JMY: variants seen among roughly 807,000 people sequenced by gnomAD.
JMY encodes the protein junction-mediating and -regulatory protein.
A neutral mutation model predicts 103.3 loss-of-function variants in JMY; 46 were observed. The ratio of observed to expected loss-of-function variants is 0.45; its 90% confidence interval spans 0.35 to 0.57. The LOEUF (loss-of-function observed/expected upper bound fraction) is 0.57, where lower values mean the gene tolerates loss of function less well. Among genes scored for constraint, JMY ranks in the 20% least tolerant of loss-of-function variants. The pLI, the probability that JMY is intolerant of heterozygous loss-of-function variation, is 0.00. For missense variants in JMY, 1,238 were observed against 1,255.2 expected (o/e 0.99, Z 0.21); for synonymous variants, 526 against 489.3 (o/e 1.07, Z -0.99).
chr5:79,237,895 C>A (rs1744575693), intron 1 of JMY, among the ~76,000 whole-genome samples: 1 of 152,132 alleles, frequency 6.6e-6, no homozygotes, highest in East Asian at 1.9e-4. Context: ...TTTATTTCCT[C>A]CCCCATTTAT....
rs117101986 is a variant in JMY at position 79,303,906 on chromosome 5, C to T, written c.1882-2469C>T. Reference sequence around the variant, plus strand: ...AGCAGAGGTTTAAAGCAGTGACTGACGGAATAGCAAAGGAAACTGTACAGG... The same window carrying T: ...AGCAGAGGTTTAAAGCAGTGACTGATGGAATAGCAAAGGAAACTGTACAGG... On this transcript the variant is annotated intron_variant, in intron 6 of 10. Transcript: ENST00000396137. Among the ~76,000 whole-genome samples the T allele has an allele frequency of 6.3e-4, 96 of 151,748 alleles. No individual in the cohort carries two copies. In the East Asian group the frequency reaches 0.015, roughly 23 times the overall value.
intron 7 of JMY, among the ~76,000 whole-genome samples, chr5:79,308,850 C>CT (rs140789478): frequency 0.011 from 1,683 of 152,108 alleles, 34 homozygotes; most frequent in African/African-American, 0.038. Context: ...TTCTTTGATT[C>CT]TTTCATCAGA....
At chr5:79,293,403 CTTTTT>C (rs5868984) in intron 4 of JMY, among the ~76,000 whole-genome samples, 1 of 146,776 alleles carries the variant, frequency 6.8e-6, no homozygotes, top group Non-Finnish European at 1.5e-5. Flanking sequence ...CTTTTTTTAA[CTTTTT>C]TTTTTTTTTA....
In JMY at chr5:79,284,710, C is replaced by G. The variant is rs532545580; in HGVS notation, c.1207-5411C>G. 18 of 1,592,168 alleles carry G rather than the reference C, an allele frequency of 1.1e-5. No homozygotes were observed. In the East Asian group the frequency reaches 3.8e-4, roughly 34 times the overall value. ...TTCATCATTCTGCAAATCAGCAAGA[C>G]TCACTTCAAACACACGACCCTTGAG... On this transcript the variant is annotated intron_variant, in intron 2 of 10. Coordinates refer to ENST00000396137, the MANE Select transcript of JMY (RefSeq NM_152405.5).
chr5:79,299,262 T>A (rs1580363506), intron 4 of JMY, among the ~76,000 whole-genome samples: 1 of 152,334 alleles, frequency 6.6e-6, no homozygotes, highest in Middle Eastern at 3.4e-3. Context: ...CTTGGAAGAA[T>A]GCTTACTGTC....
rs1257551934 is a variant in JMY at position 79,326,302 on chromosome 5, T to C, written c.*4700T>C. 6.6e-6 allele frequency: 1 copy of C among 151,180 alleles called. No individual in the cohort carries two copies. The highest frequency in any genetic ancestry group is 2.4e-5 in the African/African-American group (1 of 40,962). The allele number at this position is 151,180 out of a possible 1,614,324, so 9.4% of individuals were successfully genotyped here. A position where few individuals can be genotyped will look rare whatever the true frequency, so the allele number is the denominator to read the frequency against. ...TGTAGATGAAAACACAAGGTATGGA[T>C]GTTGGTTACAGAGTTCAGTTTTAAC... On this transcript the variant is annotated 3_prime_UTR_variant, in exon 11 of 11. Coordinates refer to ENST00000396137, the MANE Select transcript of JMY (RefSeq NM_152405.5).
intron 1 of JMY, among the ~76,000 whole-genome samples, chr5:79,270,645 A>ACATAAATGTT (rs1745751833): frequency 6.2e-5 from 9 of 144,368 alleles, no homozygotes; most frequent in African/African-American, 1.8e-4. Context: ...ATAAATATTT[A>ACATAAATGTT]TATAAAATAT....
intron 1 of JMY, among the ~76,000 whole-genome samples, chr5:79,258,301 TTTTG>T (rs1411029902): frequency 2.1e-5 from 3 of 141,458 alleles, no homozygotes; most frequent in African/African-American, 7.9e-5. Flanking sequence ...TTAGGGCTTT[TTTTG>T]TTTTTGTTGT....
intron 1 of JMY, among the ~76,000 whole-genome samples, chr5:79,261,781 T>C (rs1256782146): frequency 1.3e-5 from 2 of 152,162 alleles, no homozygotes; most frequent in African/African-American, 4.8e-5. Context: ...TGCACTACCA[T>C]GCCCGGCTAA....
chr5:79,254,256 C>T (rs1342190980), intron 1 of JMY, among the ~76,000 whole-genome samples: 1 of 152,108 alleles, frequency 6.6e-6, no homozygotes, highest in East Asian at 1.9e-4. Context: ...CACGCCCCAG[C>T]TTGGTAGATG....
chr5:79,249,123 T>C (rs1264882255), intron 1 of JMY, among the ~76,000 whole-genome samples: 1 of 150,714 alleles, frequency 6.6e-6, no homozygotes. Context: ...ATGAAAAGTT[T>C]ATGAAAAGTA....
In JMY at chr5:79,290,276, G is replaced by T; in HGVS notation, c.1357+5G>T. On this transcript the variant is annotated splice_donor_5th_base_variant and intron_variant, in intron 3 of 10. Transcript: ENST00000396137. Reference sequence around the variant, plus strand: ...TAACAGCTAAAGCTCAAAAAGGTAGGTTTCTCAGTAAATTTATCCTTTAGG... The same window carrying T: ...TAACAGCTAAAGCTCAAAAAGGTAGTTTTCTCAGTAAATTTATCCTTTAGG... 1 of 1,460,692 alleles carries T rather than the reference G, an allele frequency of 6.8e-7. No homozygotes were observed. Among genetic ancestry groups the T allele is most frequent in the Non-Finnish European group, 9.1e-7 (1 of 1,097,894 alleles). The allele number at this position is 1,460,692 out of a possible 1,614,324, so 90.5% of individuals were successfully genotyped here.
At chr5:79,273,913 C>G (rs1009141250) in intron 1 of JMY, among the ~76,000 whole-genome samples, 2 of 152,102 alleles carry the variant, frequency 1.3e-5, no homozygotes, top group African/African-American at 4.8e-5. Flanking sequence ...TCACTGCAAG[C>G]TCCGCCTCCC....
intron 1 of JMY, among the ~76,000 whole-genome samples, chr5:79,247,827 AT>A (rs1253841129): frequency 6.7e-6 from 1 of 149,562 alleles, no homozygotes; most frequent in African/African-American, 2.5e-5. Context: ...TAACTTTTGT[AT>A]TTTTGTATTT....
rs775140728 is a variant in JMY at position 79,237,695 on chromosome 5, G to A, written c.1032+13G>A. On this transcript the variant is annotated intron_variant, in intron 1 of 10. Transcript: ENST00000396137. ...GCGCATCCAGGAGGTGAGTGAGTGA[G>A]CTCCTAGTCTGGGCTCTACTGGTCG... 1.2e-6 allele frequency: 2 copies of A among 1,603,960 alleles called. No homozygotes were observed. Among genetic ancestry groups the A allele is most frequent in the East Asian group, 4.5e-5 (2 of 44,752 alleles).
chr5:79,280,324 A>G (rs1746070279), intron 2 of JMY, among the ~76,000 whole-genome samples: 1 of 152,158 alleles, frequency 6.6e-6, no homozygotes, highest in Admixed American at 6.6e-5. Context: ...CTTTTACATA[A>G]TTATATCATG....
Position 79,314,342 on chromosome 5 carries a change from A to G in JMY, c.2150A>G (p.Gln717Arg), listed in dbSNP as rs1747138733. 1.9e-6 allele frequency: 3 copies of G among 1,614,098 alleles called. No homozygotes were observed. In the African/African-American group the frequency reaches 4.0e-5, roughly 22 times the overall value. ...RRKGAASPVL[Q>R]EDHCDSLPSV... Reference sequence around the variant, plus strand: ...AAAGGTGCAGCAAGTCCTGTTCTCCAAGAGGATCATTGTGACTCTTTACCA... The same window carrying G: ...AAAGGTGCAGCAAGTCCTGTTCTCCGAGAGGATCATTGTGACTCTTTACCA... The change falls in exon 9 of 11, where the codon CAA becomes CGA. Residue 717 changes from glutamine (Q) to arginine (R), a missense_variant. By Grantham distance (43) the Gln-to-Arg change is conservative. Transcript: ENST00000396137.
chr5:79,260,691 C>T (rs529255250), intron 1 of JMY, among the ~76,000 whole-genome samples: 20 of 151,772 alleles, frequency 1.3e-4, no homozygotes, highest in African/African-American at 3.4e-4. Flanking sequence ...ACACCTGGCC[C>T]CAGATTTTTT....
At chr5:79,281,072 T>C (rs901920955) in intron 2 of JMY, among the ~76,000 whole-genome samples, 5 of 151,804 alleles carry the variant, frequency 3.3e-5, no homozygotes, top group East Asian at 3.9e-4. Context: ...TGAGACAGAG[T>C]CTCGCTCTGT....
Sources: allele counts gnomAD v4.1 joint callset (sites outside exome capture counted in the v4.1 genomes callset), GRCh38; gene constraint gnomAD v4.1.1; transcripts MANE v1.5; gene names NCBI Gene and HGNC (gene_info 2026-07-23, HGNC 2026-07-21).